The following AP2A1 variants were observed in gnomAD, a reference collection of about 807,000 sequenced individuals.
The protein encoded by AP2A1 is adaptor related protein complex 2 subunit alpha 1.
Under a neutral mutation model 107.3 loss-of-function variants are expected in AP2A1, and 21 were observed. The ratio of observed to expected loss-of-function variants is 0.20; its 90% CI spans 0.14 to 0.28. The LOEUF (loss-of-function observed/expected upper bound fraction) is 0.28. AP2A1 is among the 10% of genes least tolerant of loss of function. The probability of loss-of-function intolerance (pLI) is 1.00; values close to 1 mark genes in which losing one functional copy is unlikely to be tolerated. For synonymous variants in AP2A1, 602 were observed against 564.8 expected (o/e 1.07, Z -0.93); for missense variants, 873 against 1,307.7 (o/e 0.67, Z 5.13).
chr19:49,771,726 T>A (rs2084560175), intron 1 of AP2A1, among the ~76,000 whole-genome samples: 1 of 151,998 alleles, frequency 6.6e-6, no homozygotes, highest in Non-Finnish European at 1.5e-5. Context: ...GATTTTTTTT[T>A]AAATGGGGAA....
In AP2A1 at chr19:49,803,132, C is replaced by T; in HGVS notation, c.2197C>T (p.Leu733=). The T allele has an allele frequency of 6.2e-7, 1 of 1,613,992 alleles. No individual in the cohort carries two copies. Among genetic ancestry groups the T allele is most frequent in the Non-Finnish European group, 8.5e-7 (1 of 1,179,890 alleles). ...GTTTGTGTGTAAGAACAACGGGGTC[C>T]TGTTCGAGAACCAGCTGCTGCAGAT... is the stretch of plus-strand genomic sequence containing the variant. ...NKFVCKNNGV[L]FENQLLQIGV... The change falls in exon 17 of 23, where the codon CTG becomes TTG. Residue 733 remains leucine, a synonymous_variant. Transcript: ENST00000354293.
In AP2A1 at chr19:49,806,539, A is replaced by C. The variant is rs2073391485; in HGVS notation, c.2791-142A>C. 4.8e-6 allele frequency: 7 copies of C among 1,462,174 alleles called. No individual in the cohort carries two copies. The Admixed American group carries it at 1.8e-4, about 38-fold the overall frequency. 90.6% of individuals were successfully genotyped at this position (1,462,174 alleles called of 1,614,324 possible). A position where few individuals can be genotyped will look rare whatever the true frequency, so the allele number is the denominator to read the frequency against. Reference sequence around the variant, plus strand: ...TTCTTCCTCTCTGGCGCCTCTGTTGATTTCAGTCTTACATTTTTCTCTCCT... The same window carrying C: ...TTCTTCCTCTCTGGCGCCTCTGTTGCTTTCAGTCTTACATTTTTCTCTCCT... On this transcript the variant is annotated intron_variant, in intron 22 of 22. Transcript: ENST00000354293.
At chr19:49,794,379 T>A (rs1050423840) in intron 6 of AP2A1, among the ~76,000 whole-genome samples, 1 of 151,824 alleles carries the variant, frequency 6.6e-6, no homozygotes, top group African/African-American at 2.4e-5. Context: ...ATTTTTGTAT[T>A]TTTTGTAGAG....
intron 1 of AP2A1, among the ~76,000 whole-genome samples, chr19:49,777,771 G>A (rs2084631488): frequency 6.6e-6 from 1 of 151,492 alleles, no homozygotes; most frequent in African/African-American, 2.4e-5. Context: ...ACAAAAAATA[G>A]AAAAAAAATT....
In AP2A1 at chr19:49,801,959, C is replaced by A. The variant is rs1468918494; in HGVS notation, c.1954-22C>A. 2.0e-6 allele frequency: 3 copies of A among 1,474,798 alleles called. No individual in the cohort carries two copies. In the Admixed American group the frequency reaches 7.6e-5, roughly 37 times the overall value. 91.4% of individuals were successfully genotyped at this position (1,474,798 alleles called of 1,614,324 possible). On this transcript the variant is annotated intron_variant, in intron 14 of 22. Transcript: ENST00000354293. ...TCCTGCCGGGCGCCGCCTGTCCTCACCGTGACCTGCGCTTCCTACAGTCGA... is the reference window on the plus strand; with the variant it reads ...TCCTGCCGGGCGCCGCCTGTCCTCAACGTGACCTGCGCTTCCTACAGTCGA...
chr19:49,767,345 T>C (rs745585821), intron 1 of AP2A1, 145 bp downstream of exon 1: 36 of 1,026,276 alleles, frequency 3.5e-5, no homozygotes, highest in Non-Finnish European at 4.9e-5. Flanking sequence ...GGAAGAACTT[T>C]AGAGTGGGGG....
chr19:49,806,276 T>G, intron 22 of AP2A1, 23 bp downstream of exon 22: 1 of 1,578,290 alleles, frequency 6.3e-7, no homozygotes. Flanking sequence ...GTGGGAGGCC[T>G]GAGGCCGGCA....
chr19:49,781,733 C>T, intron 1 of AP2A1, 24 bp from the exon 2 acceptor site: 1 of 1,571,480 alleles, frequency 6.4e-7, no homozygotes, highest in Non-Finnish European at 8.6e-7. Context: ...CCCCTCACTG[C>T]CTACCCTCCT....
intron 7 of AP2A1, among the ~76,000 whole-genome samples, chr19:49,798,535 T>G (rs1377381241): frequency 6.6e-6 from 1 of 152,134 alleles, no homozygotes; most frequent in African/African-American, 2.4e-5. Flanking sequence ...TGGTGCCACC[T>G]CTTGCCCGAG....
chr19:49,784,902 A>G (rs112297103), intron 4 of AP2A1, among the ~76,000 whole-genome samples: 2,108 of 152,278 alleles, frequency 0.014, 46 homozygotes, highest in African/African-American at 0.048. Flanking sequence ...AAACAAATAA[A>G]TGTTTAAAAC....
At chr19:49,767,675 TA>T (rs1373537775) in intron 1 of AP2A1, among the ~76,000 whole-genome samples, 2 of 151,686 alleles carry the variant, frequency 1.3e-5, no homozygotes, top group Non-Finnish European at 2.9e-5. Flanking sequence ...GGACCTGGGA[TA>T]GGGGGTGTCA....
intron 5 of AP2A1, among the ~76,000 whole-genome samples, chr19:49,792,494 G>T (rs1408698780): frequency 6.6e-6 from 1 of 151,678 alleles, no homozygotes; most frequent in East Asian, 2.0e-4. Flanking sequence ...CAGTGTCCCC[G>T]GTACTCATTA....
chr19:49,777,647 AAAG>A (rs2084630295), intron 1 of AP2A1, among the ~76,000 whole-genome samples: 1 of 151,596 alleles, frequency 6.6e-6, no homozygotes, highest in African/African-American at 2.4e-5. Flanking sequence ...AAAAAAAAAA[AAAG>A]ATTTCCTGGC....
At chr19:49,799,305 C>G in intron 8 of AP2A1, 22 bp from the exon 9 acceptor site, 1 of 1,605,606 alleles carries the variant, frequency 6.2e-7, no homozygotes, top group Non-Finnish European at 8.5e-7. Flanking sequence ...CACCATCCCT[C>G]TCTTGTGGCC....
intron 7 of AP2A1, chr19:49,795,957 T>A (rs1301202047): frequency 3.6e-6 from 2 of 553,246 alleles, no homozygotes; most frequent in Non-Finnish European, 6.5e-6. Flanking sequence ...ATCAGCCTCA[T>A]AGCTGAGGTC....
Position 49,782,388 on chromosome 19 carries a change from T to C in AP2A1, c.280-143T>C, listed in dbSNP as rs116438227. 455 of 904,818 alleles carry C rather than the reference T, an allele frequency of 5.0e-4. No homozygotes were observed. In the African/African-American group the frequency reaches 7.4e-3, roughly 15 times the overall value. The allele number at this position is 904,818 out of a possible 1,614,324, so 56.0% of individuals were successfully genotyped here. ...GGAGGGGCCTGGGGGCCTGGACTTG[T>C]GGGTCTGAGGGAGGAGGGGCCTGGG... On this transcript the variant is annotated intron_variant, in intron 3 of 22. Transcript: ENST00000354293.
intron 20 of AP2A1, 43 bp from the exon 21 acceptor site, chr19:49,805,829 T>C (rs752989380): frequency 5.6e-5 from 47 of 845,740 alleles, no homozygotes; most frequent in Middle Eastern, 2.7e-4. Flanking sequence ...GGTGGGCGGG[T>C]CGGGCCGTCC....
chr19:49,806,897 T>A lies in AP2A1; in HGVS notation c.*139T>A. ...GGATGCCTGGGACTTTCCTCCGGCC[T>A]TTTGTATTTTTATTTTTGTTCATCT... On this transcript the variant is annotated 3_prime_UTR_variant, in exon 23 of 23. Coordinates refer to ENST00000354293, the MANE Select transcript of AP2A1 (RefSeq NM_130787.3). 6.5e-7 allele frequency: 1 copy of A among 1,540,954 alleles called. No individual in the cohort carries two copies. Among genetic ancestry groups the A allele is most frequent in the Non-Finnish European group, 8.7e-7 (1 of 1,148,394 alleles).
chr19:49,784,368 G>T (rs563608709), intron 4 of AP2A1, among the ~76,000 whole-genome samples: 1 of 152,020 alleles, frequency 6.6e-6, no homozygotes, highest in African/African-American at 2.4e-5. Context: ...GGAGGCAGAG[G>T]TTGCAGTGAG....
Sources: allele counts gnomAD v4.1 joint callset (sites outside exome capture counted in the v4.1 genomes callset), GRCh38; gene constraint gnomAD v4.1.1; transcripts MANE v1.5; gene names NCBI Gene and HGNC (gene_info 2026-07-23, HGNC 2026-07-21).